Variants in PCBP3 observed in about 807,000 individuals in gnomAD.
PCBP3 encodes the protein poly(rC)-binding protein 3.
Under a neutral mutation model 52.7 loss-of-function variants are expected in PCBP3, and 25 were observed. The observed-to-expected ratio is 0.47, with a 90% confidence interval of 0.35 to 0.66. The LOEUF (loss-of-function observed/expected upper bound fraction) is 0.66, where lower values mean the gene tolerates loss of function less well. PCBP3 is among the 30% of genes least tolerant of loss of function. The pLI, the probability that PCBP3 is intolerant of heterozygous loss-of-function variation, is 0.01. For synonymous variants in PCBP3, 162 were observed against 183.0 expected, an observed-to-expected ratio of 0.89 and a Z score of 0.93; for missense variants, 391 against 490.3, an observed-to-expected ratio of 0.80 and a Z score of 1.91.
At chr21:45,905,981 GTC>G (rs2096193743) in intron 9 of PCBP3, among the ~76,000 whole-genome samples, 1 of 152,162 alleles carries the variant, frequency 6.6e-6, no homozygotes, top group African/African-American at 2.4e-5. Context: ...AGACTTCCTC[GTC>G]TCTGAACAAA....
In PCBP3 at chr21:45,827,224, C is replaced by T. The variant is rs549317608; in HGVS notation, c.-125-22737C>T. On this transcript the variant is annotated intron_variant, in intron 4 of 17. Coordinates refer to ENST00000681687, the MANE Select transcript of PCBP3 (RefSeq NM_001384156.1). This position sits in a 1 kb window ranked among gnomAD's most constrained non-coding sequence, Gnocchi z 4.3. ...TCTGGGCATCAGCTGAGGCCAGGGG[C>T]GGAACCTAGATGCCTCTTCTAACCT... 2.6e-5 allele frequency among the ~76,000 whole-genome samples: 4 copies of T among 152,280 alleles called. No homozygotes were observed. Among genetic ancestry groups the T allele is most frequent in the African/African-American group, 4.8e-5 (2 of 41,564 alleles).
At chr21:45,796,939 G>A (rs2091947927) in intron 4 of PCBP3, among the ~76,000 whole-genome samples, 1 of 152,336 alleles carries the variant, frequency 6.6e-6, no homozygotes, top group East Asian at 1.9e-4. Flanking sequence ...TTTATATAAA[G>A]TTTAAATACG....
At chr21:45,712,006 T>C (rs1053477263) in intron 2 of PCBP3, among the ~76,000 whole-genome samples, 6 of 152,210 alleles carry the variant, frequency 3.9e-5, no homozygotes, top group African/African-American at 1.2e-4. Context: ...CAGAATGTCA[T>C]ATAGTTGGAG....
intron 3 of PCBP3, chr21:45,751,489 AG>A (rs1226544589): frequency 2.6e-5 from 4 of 152,256 alleles, no homozygotes; most frequent in Non-Finnish European, 5.9e-5. Flanking sequence ...GCTCTGTACC[AG>A]GGTGGAGTGA....
chr21:45,901,756 CAGAGACAG>C (rs1274654676), intron 9 of PCBP3, among the ~76,000 whole-genome samples: 1 of 107,194 alleles, frequency 9.3e-6, no homozygotes, highest in Non-Finnish European at 1.9e-5. Flanking sequence ...GAGAGAGAGA[CAGAGACAG>C]AGAGAGAGCG....
At chr21:45,889,176 G>T (rs1036213977) in intron 5 of PCBP3, among the ~76,000 whole-genome samples, 1 of 152,228 alleles carries the variant, frequency 6.6e-6, no homozygotes, top group African/African-American at 2.4e-5. Context: ...TGGGAGTGGG[G>T]GTTCAGGCAG....
intron 1 of PCBP3, among the ~76,000 whole-genome samples, chr21:45,647,911 C>T (rs888017864): frequency 8.5e-5 from 13 of 152,090 alleles, no homozygotes; most frequent in African/African-American, 2.7e-4. Context: ...CCTGGATTAT[C>T]TGGGTGGGCT....
chr21:45,901,221 G>A (rs542722201), intron 9 of PCBP3, 108 bp downstream of exon 9: 32 of 782,546 alleles, frequency 4.1e-5, no homozygotes, highest in African/African-American at 2.0e-4. Flanking sequence ...GCCCCAGCCC[G>A]CCCAGGCAAC....
intron 5 of PCBP3, among the ~76,000 whole-genome samples, chr21:45,891,693 G>T (rs1315666336): frequency 6.6e-6 from 1 of 152,192 alleles, no homozygotes; most frequent in Admixed American, 6.5e-5. Flanking sequence ...CTTGAAGTAT[G>T]TGCAGCCTAT....
chr21:45,812,660 G>A (rs545816890), intron 4 of PCBP3, among the ~76,000 whole-genome samples: 8 of 152,342 alleles, frequency 5.3e-5, no homozygotes, highest in East Asian at 1.9e-4. Context: ...CCAAAGTGCT[G>A]GGATTACAGG....
At chr21:45,767,158 C>G (rs1244962931) in intron 4 of PCBP3, among the ~76,000 whole-genome samples, 1 of 152,178 alleles carries the variant, frequency 6.6e-6, no homozygotes. Context: ...TGCCTACTTC[C>G]AGAACATTCT....
chr21:45,906,108 C>T (rs2096197147), intron 9 of PCBP3, among the ~76,000 whole-genome samples: 1 of 152,224 alleles, frequency 6.6e-6, no homozygotes, highest in Admixed American at 6.5e-5. Flanking sequence ...CAGGGCGTGA[C>T]TGTCCAAGTT....
rs959176582 is a variant in PCBP3 at position 45,823,841 on chromosome 21, C to T, written c.-125-26120C>T. ...ACTGCAACCTCCATCTCCCGGGTTCCAGCAATTCTCCTGCCTCAGCCTCCT... is the reference window on the plus strand; with the variant it reads ...ACTGCAACCTCCATCTCCCGGGTTCTAGCAATTCTCCTGCCTCAGCCTCCT... On this transcript the variant is annotated intron_variant, in intron 4 of 17. Transcript: ENST00000681687. 3.9e-5 allele frequency among the ~76,000 whole-genome samples: 6 copies of T among 151,960 alleles called. No individual in the cohort carries two copies. In the South Asian group the frequency reaches 1.2e-3, roughly 32 times the overall value.
chr21:45,824,763 A>C (rs980896524), intron 4 of PCBP3, among the ~76,000 whole-genome samples: 1 of 152,194 alleles, frequency 6.6e-6, no homozygotes, highest in Non-Finnish European at 1.5e-5. Flanking sequence ...CCCACTGTGC[A>C]TCCACCCGGA....
chr21:45,649,794 A>AT lies in PCBP3; in HGVS notation c.-279+5936dup, dbSNP rs561479591. On this transcript the variant is annotated intron_variant, in intron 1 of 17. Coordinates refer to ENST00000681687, the MANE Select transcript of PCBP3 (RefSeq NM_001384156.1). ...GAAAGACTGAATTATGAACTTTGTT[A>AT]TTTTTTTTTTGGTAGATTCCTTTAT... 3.8e-3 allele frequency among the ~76,000 whole-genome samples: 558 copies of AT among 148,610 alleles called. 5 individuals are homozygous for AT. In the South Asian group the frequency reaches 0.056, roughly 15 times the overall value.
At chr21:45,897,993 C>A (rs2095875067) in intron 6 of PCBP3, among the ~76,000 whole-genome samples, 1 of 152,190 alleles carries the variant, frequency 6.6e-6, no homozygotes. Context: ...GAGCTCTAGC[C>A]CCACAGCACT....
At chr21:45,666,434 A>G (rs1569093935) in intron 1 of PCBP3, among the ~76,000 whole-genome samples, 1 of 152,170 alleles carries the variant, frequency 6.6e-6, no homozygotes, top group Non-Finnish European at 1.5e-5. Context: ...TTATAGTTAT[A>G]TCTTTACTGG....
chr21:45,935,301 A>G lies in PCBP3; in HGVS notation c.905A>G (p.Asn302Ser), dbSNP rs773694515. Residue 302 changes from asparagine to serine, a missense_variant, in exon 16 of 18, where the codon AAT (asparagine) becomes AGT (serine). Asn to Ser is a conservative substitution (Grantham distance 46, BLOSUM62 1). Coordinates refer to ENST00000681687, the MANE Select transcript of PCBP3 (RefSeq NM_001384156.1). ...AGCACTCATGAGCTCACCATTCCCA[A>G]TGATGTGAGTATGCCCGCTGTACCT... ...PASTHELTIP[N>S]DLIGCIIGRQ... The G allele has an allele frequency of 6.2e-6, 10 of 1,611,648 alleles. No individual in the cohort carries two copies. Among genetic ancestry groups the G allele is most frequent in the Non-Finnish European group, 7.6e-6 (9 of 1,178,130 alleles).
In PCBP3 at chr21:45,810,241, TGTGTGA is replaced by T. The variant is rs896192740; in HGVS notation, c.-125-39718_-125-39713del. Among the ~76,000 whole-genome samples, 45 of 151,500 alleles carry T rather than the reference TGTGTGA, an allele frequency of 3.0e-4. 1 individual carries two copies. Among genetic ancestry groups the T allele is most frequent in the Non-Finnish European group, 2.2e-4 (15 of 67,916 alleles). ...TTCTGTGTGTGTGTGTGTGTGTGTG[TGTGTGA>T]GAGAGTGTGTGTGACAGAGTCTCGC... On this transcript the variant is annotated intron_variant, in intron 4 of 17. Coordinates refer to ENST00000681687, the MANE Select transcript of PCBP3 (RefSeq NM_001384156.1).
Sources: gnomAD v4.1 joint callset for allele counts (sites outside exome capture counted in the v4.1 genomes callset) on GRCh38, gnomAD v4.1.1 for gene constraint, Gnocchi (gnomAD v3.1) non-coding constraint, MANE v1.5 for transcripts, NCBI Gene and HGNC (gene_info 2026-07-23, HGNC 2026-07-21) for gene names.